STK3: variants seen among roughly 807,000 people sequenced by gnomAD.
STK3 encodes serine/threonine kinase 3, also known as serine/threonine-protein kinase 3.
A neutral mutation model predicts 58.0 loss-of-function variants in STK3; 41 were observed. The observed-to-expected ratio is 0.71, with a 90% CI of 0.55 to 0.92. The LOEUF is 0.92. STK3 is among the 40% of genes least tolerant of loss of function. The pLI, the probability that STK3 is intolerant of heterozygous loss-of-function variation, is 0.00. For missense variants in STK3, 479 were observed against 602.7 expected (o/e 0.79, Z 2.15); for synonymous variants, 170 against 191.0 (o/e 0.89, Z 0.91).
At chr8:98,634,919 T>C (rs1819516697) in intron 6 of STK3, among the ~76,000 whole-genome samples, 1 of 152,182 alleles carries the variant, frequency 6.6e-6, no homozygotes, top group South Asian at 2.1e-4. Context: ...TTTATACTAT[T>C]TTGAGAGAAT....
At chr8:98,549,380 A>C (rs905979252) in intron 8 of STK3, among the ~76,000 whole-genome samples, 1 of 152,114 alleles carries the variant, frequency 6.6e-6, no homozygotes, top group African/African-American at 2.4e-5. Context: ...ATCTTTTCGC[A>C]CGCTTATTAG....
chr8:98,773,945 C>T (rs141694474), intron 2 of STK3, among the ~76,000 whole-genome samples: 288 of 152,100 alleles, frequency 1.9e-3, no homozygotes, highest in Middle Eastern at 0.01. Context: ...TACAGGCACC[C>T]GCTACCACGC....
intron 6 of STK3, among the ~76,000 whole-genome samples, chr8:98,704,802 T>C (rs759449610): frequency 6.6e-5 from 10 of 152,280 alleles, no homozygotes; most frequent in Middle Eastern, 3.4e-3. Context: ...AAATAAGATT[T>C]ACACAGGGAA....
chr8:98,426,111 C>T (rs1818229565), intron 3 of STK3, among the ~76,000 whole-genome samples: 1 of 152,152 alleles, frequency 6.6e-6, no homozygotes, highest in African/African-American at 2.4e-5. Context: ...GCACATCTAC[C>T]AGTCCCCACT....
intron 3 of STK3, among the ~76,000 whole-genome samples, chr8:98,421,582 C>A (rs1216913904): frequency 6.6e-6 from 1 of 152,036 alleles, no homozygotes; most frequent in Non-Finnish European, 1.5e-5. Context: ...TTGAGACCAG[C>A]CTGGCTAACA....
intron 6 of STK3, among the ~76,000 whole-genome samples, chr8:98,685,967 A>C (rs1212698204): frequency 6.6e-6 from 1 of 152,222 alleles, no homozygotes; most frequent in African/African-American, 2.4e-5. Context: ...ATATGATCTT[A>C]TGTAATTTGA....
chr8:98,382,803 A>G (rs1414351383), intron 1 of STK3, among the ~76,000 whole-genome samples: 5 of 152,198 alleles, frequency 3.3e-5, no homozygotes, highest in Non-Finnish European at 1.5e-5. Flanking sequence ...ACTGGGCCCA[A>G]CTGATACGGC....
At chr8:98,693,664 G>C (rs1250871187) in intron 6 of STK3, among the ~76,000 whole-genome samples, 2 of 152,106 alleles carry the variant, frequency 1.3e-5, no homozygotes. Context: ...TCCTTGCAAG[G>C]AATCTTCCAA....
intron 3 of STK3, among the ~76,000 whole-genome samples, chr8:98,412,318 G>A (rs1818066691): frequency 6.6e-6 from 1 of 152,240 alleles, no homozygotes; most frequent in South Asian, 2.1e-4. Flanking sequence ...GTTGCAAACA[G>A]TCTCCATTGT....
At chr8:98,493,176 G>T (rs1822849663) in intron 10 of STK3, among the ~76,000 whole-genome samples, 1 of 147,258 alleles carries the variant, frequency 6.8e-6, no homozygotes, top group Admixed American at 6.8e-5. Flanking sequence ...AAGCTGCAGT[G>T]AACTGTGTCT....
chr8:98,827,685 C>G (rs771054169), upstream of STK3, among the ~76,000 whole-genome samples: 1 of 152,140 alleles, frequency 6.6e-6, no homozygotes, highest in Admixed American at 6.5e-5. Context: ...GAGACAGGTT[C>G]TCACTGTTCC....
At chr8:98,483,272 CACAT>C (rs1339290447) in intron 10 of STK3, among the ~76,000 whole-genome samples, 4 of 152,186 alleles carry the variant, frequency 2.6e-5, no homozygotes, top group Admixed American at 6.5e-5. Flanking sequence ...TAATATAACA[CACAT>C]AAATAAAGGC....
chr8:98,430,214 C>CT (rs1002126209), intron 3 of STK3: 1 of 167,076 alleles, frequency 6.0e-6, no homozygotes, highest in Non-Finnish European at 1.5e-5. Flanking sequence ...TTAGTGCAGG[C>CT]TGAGCCCCTT....
intron 1 of STK3, among the ~76,000 whole-genome samples, chr8:98,781,745 G>A (rs1442560885): frequency 2.0e-5 from 3 of 151,474 alleles, no homozygotes; most frequent in Non-Finnish European, 4.4e-5. Flanking sequence ...AACTTCTTAA[G>A]CAAAGCAAAA....
chr8:98,539,685 A>G (rs1028147228), intron 9 of STK3, among the ~76,000 whole-genome samples: 12 of 152,234 alleles, frequency 7.9e-5, no homozygotes, highest in Non-Finnish European at 1.5e-4. Context: ...AAGAAATGAT[A>G]AACATTTATG....
At chr8:98,485,255 G>A (rs1658272601) in intron 10 of STK3, among the ~76,000 whole-genome samples, 1 of 149,762 alleles carries the variant, frequency 6.7e-6, no homozygotes, top group Non-Finnish European at 1.5e-5. Context: ...AAAAAAAAAT[G>A]TATTTATAAA....
intron 8 of STK3, among the ~76,000 whole-genome samples, chr8:98,576,626 T>C (rs984467396): frequency 6.6e-6 from 1 of 152,240 alleles, no homozygotes; most frequent in Admixed American, 6.5e-5. Context: ...ATATTTTAGG[T>C]ATTTCATTCT....
At chr8:98,855,914 T>C (rs747731436) in intron 3 of STK3, among the ~76,000 whole-genome samples, 1 of 151,968 alleles carries the variant, frequency 6.6e-6, no homozygotes, top group Non-Finnish European at 1.5e-5. Flanking sequence ...CCCAGCACTT[T>C]GGGAGGCCGA....
At chr8:98,560,102 T>C (rs1329824108) in intron 8 of STK3, among the ~76,000 whole-genome samples, 2 of 152,168 alleles carry the variant, frequency 1.3e-5, no homozygotes, top group East Asian at 1.9e-4. Context: ...GCAATTACCA[T>C]GTCTTATTTT....
Sources: allele counts gnomAD v4.1 joint callset (sites outside exome capture counted in the v4.1 genomes callset), GRCh38; gene constraint gnomAD v4.1.1; transcripts MANE v1.5; gene names NCBI Gene and HGNC (gene_info 2026-07-23, HGNC 2026-07-21).